The following DACH1 variants were observed in gnomAD, a reference collection of about 807,000 sequenced individuals.
The protein encoded by DACH1 is dachshund family transcription factor 1.
A neutral mutation model predicts 54.2 loss-of-function variants in DACH1; 12 were observed. That is an observed-to-expected ratio of 0.22 (90% confidence interval 0.14 to 0.36). The LOEUF is 0.36. Among genes scored for constraint, DACH1 ranks in the 10% least tolerant of loss-of-function variants. DACH1 has a pLI of 1.00. For missense variants in DACH1, 805 were observed against 929.8 expected (o/e 0.87, Z 1.75); for synonymous variants, 386 against 366.2 (o/e 1.05, Z -0.62).
At chr13:71,724,594 T>A (rs1290604413) in intron 1 of DACH1, among the ~76,000 whole-genome samples, 4 of 152,156 alleles carry the variant, frequency 2.6e-5, no homozygotes, top group African/African-American at 4.8e-5. Context: ...TGAATTTTTT[T>A]ATACACAGCA....
intron 6 of DACH1, among the ~76,000 whole-genome samples, chr13:71,492,053 G>A (rs1361629695): frequency 6.6e-6 from 1 of 151,854 alleles, no homozygotes; most frequent in African/African-American, 2.4e-5. Flanking sequence ...ATGATTTTTG[G>A]ATTAGTATAG....
intron 1 of DACH1, among the ~76,000 whole-genome samples, chr13:71,699,119 A>C (rs1195941811): frequency 6.6e-6 from 1 of 152,176 alleles, no homozygotes; most frequent in African/African-American, 2.4e-5. Flanking sequence ...TCACAATTAT[A>C]TATAACTTGG....
intron 10 of DACH1, among the ~76,000 whole-genome samples, chr13:71,461,444 T>G (rs184195775): frequency 6.6e-6 from 1 of 152,150 alleles, no homozygotes; most frequent in Non-Finnish European, 1.5e-5. Context: ...AAAATCTCTC[T>G]TACTATTATC....
chr13:71,479,036 C>G (rs1328959549), intron 8 of DACH1, 133 bp downstream of exon 8: 1 of 783,162 alleles, frequency 1.3e-6, no homozygotes, highest in Non-Finnish European at 1.9e-6. Flanking sequence ...GCCTAGGATT[C>G]AAATTCTGCT....
intron 10 of DACH1, among the ~76,000 whole-genome samples, chr13:71,463,147 T>C (rs1876248953): frequency 6.6e-6 from 1 of 152,002 alleles, no homozygotes; most frequent in Admixed American, 6.6e-5. Context: ...TTAATGTTAA[T>C]TTTACTCATT....
chr13:71,803,772 C>T (rs151232633), intron 1 of DACH1, among the ~76,000 whole-genome samples: 284 of 152,254 alleles, frequency 1.9e-3, no homozygotes, highest in Non-Finnish European at 2.5e-3. Context: ...CCCTTCTATT[C>T]CTCCCATCTA....
intron 6 of DACH1, among the ~76,000 whole-genome samples, chr13:71,519,883 G>GTGTATATATATATATATAGATATA (rs552808622): frequency 3.4e-5 from 1 of 29,330 alleles, no homozygotes. Flanking sequence ...AACCAAAGTA[G>GTGTATATATATATATATAGATATA]TATATATATA....
At chr13:71,681,764 A>G in intron 2 of DACH1, 31 bp downstream of exon 2, 1 of 1,527,874 alleles carries the variant, frequency 6.5e-7, no homozygotes, top group South Asian at 1.1e-5. Context: ...GATTTTTAAT[A>G]TTTTTTGGCA....
At chr13:71,860,509 T>A (rs1874282125) in intron 1 of DACH1, among the ~76,000 whole-genome samples, 1 of 150,922 alleles carries the variant, frequency 6.6e-6, no homozygotes, top group African/African-American at 2.4e-5. Flanking sequence ...GAAAGATAAA[T>A]TCAAACAAAG....
intron 1 of DACH1, among the ~76,000 whole-genome samples, chr13:71,837,985 C>T (rs1594284091): frequency 9.2e-6 from 1 of 109,124 alleles, no homozygotes; most frequent in Admixed American, 1.5e-4. Flanking sequence ...AGGGGAATAT[C>T]ACACTCTGGG....
chr13:71,827,191 T>A (rs1483389877), intron 1 of DACH1, among the ~76,000 whole-genome samples: 1 of 152,038 alleles, frequency 6.6e-6, no homozygotes, highest in African/African-American at 2.4e-5. Context: ...TTTATGCCTC[T>A]AAACACAGCT....
rs1566289908 is a variant in DACH1, at chr13:71,486,809, TA to T, written c.1722+2187del. Among the ~76,000 whole-genome samples the T allele has an allele frequency of 3.1e-4, 3 of 9,692 alleles. No homozygotes were observed. In the Non-Finnish European group the frequency reaches 4.2e-3, roughly 14 times the overall value. The allele number at this position is 9,692 out of a possible 152,430, so 6.4% of individuals were successfully genotyped here. On this transcript the variant is annotated intron_variant, in intron 7 of 10. Transcript: ENST00000613252. ...AGCTAAATTAATTAATTTATTTATT[TA>T]TTTATCTATCTATCTATCTATCTAT...
At chr13:71,457,077 CTAAAGAA>C (rs1875633862) in intron 10 of DACH1, among the ~76,000 whole-genome samples, 1 of 151,966 alleles carries the variant, frequency 6.6e-6, no homozygotes, top group Admixed American at 6.6e-5. Flanking sequence ...TTTACCAAGA[CTAAAGAA>C]TAATTTTTAC....
intron 3 of DACH1, among the ~76,000 whole-genome samples, chr13:71,598,134 C>A (rs1006012896): frequency 1.1e-4 from 17 of 151,518 alleles, no homozygotes; most frequent in Admixed American, 8.5e-4. Flanking sequence ...TAAAATTAAA[C>A]CCTTTATATT....
At chr13:71,735,995 T>C (rs1454379695) in intron 1 of DACH1, among the ~76,000 whole-genome samples, 2 of 152,084 alleles carry the variant, frequency 1.3e-5, no homozygotes, top group Non-Finnish European at 2.9e-5. Flanking sequence ...TAAAAGGTCA[T>C]ATAAAATGCA....
chr13:71,820,516 A>C (rs1219096540), intron 1 of DACH1, among the ~76,000 whole-genome samples: 3 of 152,192 alleles, frequency 2.0e-5, no homozygotes, highest in Non-Finnish European at 4.4e-5. Context: ...GAGGTTTTGA[A>C]GTTTTAACTT....
chr13:71,714,171 A>G (rs1273523073), intron 1 of DACH1, among the ~76,000 whole-genome samples: 4 of 152,040 alleles, frequency 2.6e-5, no homozygotes, highest in Admixed American at 6.6e-5. Context: ...CTTTCATAGA[A>G]ACAGTTTCAG....
intron 1 of DACH1, among the ~76,000 whole-genome samples, chr13:71,784,401 T>A (rs1052959102): frequency 3.9e-5 from 6 of 151,962 alleles, no homozygotes; most frequent in African/African-American, 1.4e-4. Flanking sequence ...AAGTAGAAAA[T>A]TTTAAGGCCA....
At chr13:71,506,879 T>A (rs2138247081) in intron 6 of DACH1, among the ~76,000 whole-genome samples, 1 of 151,308 alleles carries the variant, frequency 6.6e-6, no homozygotes, top group Admixed American at 6.6e-5. Context: ...CTGGATCCCT[T>A]CCTTACACCT....
Sources: allele counts gnomAD v4.1 joint callset (sites outside exome capture counted in the v4.1 genomes callset), GRCh38; gene constraint gnomAD v4.1.1; transcripts MANE v1.5; gene names NCBI Gene and HGNC (gene_info 2026-07-23, HGNC 2026-07-21).